The following RAD51B variants were observed in gnomAD, a reference collection of about 807,000 sequenced individuals.
RAD51B encodes DNA repair protein RAD51 homolog 2.
In RAD51B, 38 loss-of-function variants were observed where a neutral mutation model predicts 42.2. That is an observed-to-expected ratio of 0.90 (90% CI 0.70 to 1.18). RAD51B has a LOEUF of 1.18. RAD51B is among the 50% of genes most tolerant of loss of function. The pLI is 0.00. For synonymous variants in RAD51B, 154 were observed against 145.2 expected, an observed-to-expected ratio of 1.06 and a Z score of -0.43; for missense variants, 373 against 400.7, an observed-to-expected ratio of 0.93 and a Z score of 0.59.
intron 8 of RAD51B, chr14:68,339,126 AC>A (rs1410236987): frequency 7.1e-5 from 50 of 702,438 alleles, no homozygotes; most frequent in Middle Eastern, 7.6e-4. Context: ...TGCTCGAAGG[AC>A]AGGTGGTCTC....
At chr14:68,532,088 G>A (rs763642806) in intron 10 of RAD51B, among the ~76,000 whole-genome samples, 12 of 152,096 alleles carry the variant, frequency 7.9e-5, no homozygotes, top group Non-Finnish European at 1.3e-4. Context: ...CACAAAGGAA[G>A]GTCTCAACAA....
chr14:68,134,693 A>G (rs889722431), intron 7 of RAD51B, among the ~76,000 whole-genome samples: 5 of 151,956 alleles, frequency 3.3e-5, no homozygotes, highest in Non-Finnish European at 5.9e-5. Flanking sequence ...ACATATTTTC[A>G]TGTGTTTACT....
chr14:67,969,796 C>T (rs1158664134), intron 7 of RAD51B, among the ~76,000 whole-genome samples: 2 of 152,084 alleles, frequency 1.3e-5, no homozygotes, highest in Admixed American at 1.3e-4. Context: ...TCAAAGTAAA[C>T]CTCCAAAAGG....
intron 9 of RAD51B, among the ~76,000 whole-genome samples, chr14:68,433,369 C>T (rs1280927499): frequency 6.6e-6 from 1 of 152,160 alleles, no homozygotes; most frequent in Non-Finnish European, 1.5e-5. Context: ...TTCTCCCCAT[C>T]ACTTTCAGGT....
At chr14:67,937,083 T>C (rs1424953221) in intron 7 of RAD51B, among the ~76,000 whole-genome samples, 2 of 152,224 alleles carry the variant, frequency 1.3e-5, no homozygotes, top group African/African-American at 2.4e-5. Flanking sequence ...TATATGTAAA[T>C]GTAATATTTA....
At chr14:67,861,705 A>T (rs1330372943) in intron 4 of RAD51B, among the ~76,000 whole-genome samples, 1 of 152,176 alleles carries the variant, frequency 6.6e-6, no homozygotes, top group Non-Finnish European at 1.5e-5. Flanking sequence ...AACACCAAGC[A>T]ACCAACCAAT....
At chr14:68,075,714 G>T (rs548149280) in intron 7 of RAD51B, among the ~76,000 whole-genome samples, 7 of 152,216 alleles carry the variant, frequency 4.6e-5, no homozygotes, top group East Asian at 1.9e-4. Flanking sequence ...TTTCAGCCAG[G>T]GGGTGGGATA....
chr14:67,922,735 G>A (rs1350921368), intron 7 of RAD51B, among the ~76,000 whole-genome samples: 2 of 148,396 alleles, frequency 1.3e-5, no homozygotes, highest in African/African-American at 2.5e-5. Context: ...TCTGTCGCGC[G>A]GCCTGGAGTG....
chr14:68,032,013 G>A (rs1253003976), intron 7 of RAD51B, among the ~76,000 whole-genome samples: 1 of 146,256 alleles, frequency 6.8e-6, no homozygotes, highest in East Asian at 1.9e-4. Context: ...GTGATTATGA[G>A]CATGGACTTT....
At chr14:68,302,374 T>C (rs1397517812) in intron 8 of RAD51B, among the ~76,000 whole-genome samples, 4 of 152,110 alleles carry the variant, frequency 2.6e-5, no homozygotes, top group Admixed American at 6.5e-5. Flanking sequence ...GGCTTGGGGA[T>C]GGAGGCTCTC....
At chr14:67,890,602 C>G (rs1216449627) in intron 7 of RAD51B, among the ~76,000 whole-genome samples, 1 of 123,668 alleles carries the variant, frequency 8.1e-6, no homozygotes, top group Non-Finnish European at 1.7e-5. Context: ...CCAGTGCTAT[C>G]CCTCCCCCCT....
chr14:68,379,441 C>T (rs2083435701), intron 8 of RAD51B, among the ~76,000 whole-genome samples: 1 of 152,112 alleles, frequency 6.6e-6, no homozygotes, highest in African/African-American at 2.4e-5. Flanking sequence ...AGAGGAAATC[C>T]CCTTTCTGGC....
chr14:68,400,363 CTGGCTGAA>C (rs1407569097), intron 8 of RAD51B, among the ~76,000 whole-genome samples: 12 of 152,218 alleles, frequency 7.9e-5, no homozygotes, highest in Non-Finnish European at 1.3e-4. Context: ...CCAAAGGCAG[CTGGCTGAA>C]TGCACACTTC....
intron 7 of RAD51B, among the ~76,000 whole-genome samples, chr14:68,219,388 C>A (rs1345954463): frequency 6.6e-6 from 1 of 152,162 alleles, no homozygotes; most frequent in Non-Finnish European, 1.5e-5. Context: ...CCAACTAACA[C>A]AAAACCAATT....
chr14:68,068,528 A>G (rs2076690608), intron 7 of RAD51B, among the ~76,000 whole-genome samples: 1 of 152,220 alleles, frequency 6.6e-6, no homozygotes, highest in Non-Finnish European at 1.5e-5. Context: ...ATTGATAGAA[A>G]TTTGGGGTGT....
At chr14:67,855,896 C>T (rs1165170082) in intron 4 of RAD51B, among the ~76,000 whole-genome samples, 1 of 152,152 alleles carries the variant, frequency 6.6e-6, no homozygotes, top group Non-Finnish European at 1.5e-5. Flanking sequence ...ATTTATCCTG[C>T]CCTATGTTTT....
intron 11 of RAD51B, among the ~76,000 whole-genome samples, chr14:68,663,286 G>A (rs574907567): frequency 1.3e-5 from 2 of 150,144 alleles, no homozygotes; most frequent in Admixed American, 1.3e-4. Flanking sequence ...CTGGGTGACA[G>A]AGTGAGACTC....
At chr14:68,289,416 T>C (rs1445346080) in intron 7 of RAD51B, among the ~76,000 whole-genome samples, 1 of 152,062 alleles carries the variant, frequency 6.6e-6, no homozygotes, top group Non-Finnish European at 1.5e-5. Context: ...TCATACCCTA[T>C]ATTATAAAAG....
intron 7 of RAD51B, among the ~76,000 whole-genome samples, chr14:68,262,023 T>A (rs1293241434): frequency 6.6e-6 from 1 of 151,074 alleles, no homozygotes; most frequent in Non-Finnish European, 1.5e-5. Context: ...ATGGGGTTGG[T>A]AGAGTTTGTA....
Sources: allele counts gnomAD v4.1 joint callset (sites outside exome capture counted in the v4.1 genomes callset), GRCh38; gene constraint gnomAD v4.1.1; transcripts MANE v1.5; gene names NCBI Gene and HGNC (gene_info 2026-07-23, HGNC 2026-07-21).